KCNK18: variants seen among roughly 807,000 people sequenced by gnomAD.
The protein encoded by KCNK18 is potassium two pore domain channel subfamily K member 18, also known as potassium channel subfamily K member 18.
A neutral mutation model predicts 11.8 loss-of-function variants in KCNK18; 8 were observed. That is an observed-to-expected ratio of 0.68 (90% CI 0.40 to 1.22). KCNK18 has a LOEUF of 1.22. KCNK18 is among the 50% of genes most tolerant of loss of function. The pLI is 0.01. For missense variants in KCNK18, 442 were observed against 465.4 expected (o/e 0.95, Z 0.46); for synonymous variants, 208 against 185.8 (o/e 1.12, Z -0.97).
At chr10:117,202,694 G>A (rs567644933) in intron 2 of KCNK18, among the ~76,000 whole-genome samples, 1 of 152,280 alleles carries the variant, frequency 6.6e-6, no homozygotes, top group African/African-American at 2.4e-5. Context: ...GGGGATTGGA[G>A]CACCAGGATG....
intron 2 of KCNK18, among the ~76,000 whole-genome samples, chr10:117,204,280 A>G (rs931344924): frequency 6.6e-6 from 1 of 151,098 alleles, no homozygotes; most frequent in African/African-American, 2.4e-5. Flanking sequence ...CAAAAAAAAA[A>G]AAAAAAGAAA....
At chr10:117,208,340 G>A (rs1395878156) in intron 2 of KCNK18, among the ~76,000 whole-genome samples, 3 of 152,150 alleles carry the variant, frequency 2.0e-5, no homozygotes, top group Admixed American at 6.5e-5. Context: ...TGAGGGTGAG[G>A]ACACCACCAG....
intron 2 of KCNK18, among the ~76,000 whole-genome samples, chr10:117,201,665 A>G (rs1242874441): frequency 6.6e-6 from 1 of 152,120 alleles, no homozygotes; most frequent in Admixed American, 6.5e-5. Context: ...ATAACTTTCT[A>G]TGCACCTGGC....
chr10:117,207,487 A>G (rs1366839851), intron 2 of KCNK18, among the ~76,000 whole-genome samples: 1 of 152,216 alleles, frequency 6.6e-6, no homozygotes, highest in African/African-American at 2.4e-5. Context: ...CGTATCCCAT[A>G]TCTACTTTGC....
intron 2 of KCNK18, among the ~76,000 whole-genome samples, chr10:117,207,299 G>GA (rs1159778349): frequency 6.6e-6 from 1 of 152,150 alleles, no homozygotes; most frequent in Non-Finnish European, 1.5e-5. Flanking sequence ...AAATTGCTGG[G>GA]ATTACAGGTG....
At chr10:117,206,496 G>A (rs1214650844) in intron 2 of KCNK18, among the ~76,000 whole-genome samples, 1 of 152,140 alleles carries the variant, frequency 6.6e-6, no homozygotes, top group East Asian at 1.9e-4. Flanking sequence ...AAATAAGGTA[G>A]CATTGACAGA....
intron 1 of KCNK18, among the ~76,000 whole-genome samples, chr10:117,198,492 T>C (rs1057195796): frequency 2.0e-5 from 3 of 152,228 alleles, no homozygotes; most frequent in African/African-American, 7.2e-5. Flanking sequence ...AGTCACTTTA[T>C]AGTGTCCTCA....
Position 117,210,093 on chromosome 10 carries a change from T to C in KCNK18, c.949T>C (p.Cys317Arg). 1.9e-6 allele frequency: 3 copies of C among 1,614,244 alleles called. No individual in the cohort carries two copies. Among genetic ancestry groups the C allele is most frequent in the Non-Finnish European group, 2.5e-6 (3 of 1,180,036 alleles). The change falls in exon 3 of 3, where the codon TGC becomes CGC. Residue 317 changes from cysteine to arginine, a missense_variant. Coordinates refer to ENST00000334549, the MANE Select transcript of KCNK18 (RefSeq NM_181840.1). ...GGATTTCGAGAATGCCTTCTATTTC[T>C]GCTTTGTCACACTCACCACCATTGG... Reference protein sequence around the residue: ...QLDFENAFYFCFVTLTTIGFG... With the variant: ...QLDFENAFYFRFVTLTTIGFG...
At chr10:117,205,776 G>A (rs1050532502) in intron 2 of KCNK18, among the ~76,000 whole-genome samples, 3 of 152,218 alleles carry the variant, frequency 2.0e-5, no homozygotes, top group Non-Finnish European at 4.4e-5. Flanking sequence ...CAAGTCAGAA[G>A]TGGTGGCTCA....
chr10:117,208,008 C>T (rs962331897), intron 2 of KCNK18, among the ~76,000 whole-genome samples: 2 of 152,204 alleles, frequency 1.3e-5, no homozygotes, highest in Non-Finnish European at 2.9e-5. Context: ...TCCTGCCCCT[C>T]TGTAGGTGCA....
At chr10:117,204,270 C>CAAA (rs61016831) in intron 2 of KCNK18, among the ~76,000 whole-genome samples, 91 of 116,480 alleles carry the variant, frequency 7.8e-4, no homozygotes, top group African/African-American at 2.3e-3. Context: ...GGCAGAGTCT[C>CAAA]AAAAAAAAAA....
chr10:117,202,791 C>T (rs1855028673), intron 2 of KCNK18, among the ~76,000 whole-genome samples: 1 of 150,902 alleles, frequency 6.6e-6, no homozygotes, highest in African/African-American at 2.4e-5. Context: ...GCTGGGTGGG[C>T]AACCGGTGTC....
intron 1 of KCNK18, among the ~76,000 whole-genome samples, chr10:117,198,090 G>A (rs1369303215): frequency 1.3e-5 from 2 of 152,144 alleles, no homozygotes; most frequent in African/African-American, 2.4e-5. Flanking sequence ...GGCTGGGGTT[G>A]GGGGGCTAGC....
chr10:117,206,947 T>C (rs1855083727), intron 2 of KCNK18, among the ~76,000 whole-genome samples: 1 of 152,150 alleles, frequency 6.6e-6, no homozygotes, highest in African/African-American at 2.4e-5. Context: ...TTCACCTGGC[T>C]AGTTTGTGAC....
rs780238153 is a variant in KCNK18, at chr10:117,210,279, T to C, written c.1135T>C (p.Tyr379His). Reference sequence around the variant, plus strand: ...GCTATTCTTTGCAAAAGGGAAGTTTTACCACCTTGTTAAAAAGTGAAGGTT... The same window carrying C: ...GCTATTCTTTGCAAAAGGGAAGTTTCACCACCTTGTTAAAAAGTGAAGGTT... ...VMLFFAKGKF[Y>H]HLVKK The change falls in exon 3 of 3, where the codon TAC (tyrosine) becomes CAC (histidine). Residue 379 changes from tyrosine (Y) to histidine (H), a missense_variant. Tyr to His is a moderately conservative substitution (Grantham distance 83, BLOSUM62 2). Coordinates refer to ENST00000334549, the MANE Select transcript of KCNK18 (RefSeq NM_181840.1). 8 of 1,613,598 alleles carry C rather than the reference T, an allele frequency of 5.0e-6. No individual in the cohort carries two copies. The highest frequency in any genetic ancestry group is 3.3e-4 in the Middle Eastern group (2 of 6,082).
chr10:117,204,802 A>C (rs1327460246), intron 2 of KCNK18, among the ~76,000 whole-genome samples: 3 of 152,164 alleles, frequency 2.0e-5, no homozygotes, highest in Non-Finnish European at 2.9e-5. Flanking sequence ...CCTGCCCTAG[A>C]ACAAACAGAA....
intron 2 of KCNK18, among the ~76,000 whole-genome samples, chr10:117,204,270 CAAAAAA>C (rs61016831): frequency 5.1e-5 from 6 of 116,518 alleles, no homozygotes; most frequent in South Asian, 2.9e-4. Context: ...GGCAGAGTCT[CAAAAAA>C]AAAAAAAAAA....
chr10:117,208,950 A>G (rs1855108854), intron 2 of KCNK18, among the ~76,000 whole-genome samples: 1 of 152,200 alleles, frequency 6.6e-6, no homozygotes, highest in Non-Finnish European at 1.5e-5. Context: ...TATATTGGCC[A>G]GGCTGGTCTT....
intron 2 of KCNK18, among the ~76,000 whole-genome samples, chr10:117,207,832 A>G (rs900286935): frequency 7.9e-5 from 12 of 152,204 alleles, no homozygotes; most frequent in African/African-American, 2.9e-4. Flanking sequence ...TTGCCTTCAG[A>G]TTAATTTACA....
Sources: allele counts gnomAD v4.1 joint callset (sites outside exome capture counted in the v4.1 genomes callset), GRCh38; gene constraint gnomAD v4.1.1; transcripts MANE v1.5; gene names NCBI Gene and HGNC (gene_info 2026-07-23, HGNC 2026-07-21).